Variants in SLC4A4 observed in about 807,000 individuals in gnomAD.
SLC4A4 encodes the protein solute carrier family 4 member 4.
Under a neutral mutation model 111.5 loss-of-function variants are expected in SLC4A4, and 27 were observed. The observed-to-expected ratio is 0.24, with a 90% CI of 0.18 to 0.33. The LOEUF (loss-of-function observed/expected upper bound fraction) is 0.33. Ranked by LOEUF, SLC4A4 falls within the 10% of genes least tolerant of loss-of-function variation. The pLI is 1.00. For missense variants in SLC4A4, 909 were observed against 1,315.5 expected, an observed-to-expected ratio of 0.69 and a Z score of 4.78; for synonymous variants, 443 against 463.4, an observed-to-expected ratio of 0.96 and a Z score of 0.57.
chr4:71,113,712 C>T (rs182317420), intron 2 of SLC4A4, among the ~76,000 whole-genome samples: 39 of 152,192 alleles, frequency 2.6e-4, no homozygotes, highest in African/African-American at 9.1e-4. Flanking sequence ...GGTTAGGGGT[C>T]TAGTGGCACA....
chr4:71,355,147 G>C (rs868069183), intron 5 of SLC4A4, among the ~76,000 whole-genome samples: 1 of 152,188 alleles, frequency 6.6e-6, no homozygotes, highest in Non-Finnish European at 1.5e-5. Context: ...CAGAGGACTG[G>C]CTGTGCATAC....
chr4:71,121,183 C>A (rs1203341514), intron 2 of SLC4A4, among the ~76,000 whole-genome samples: 1 of 152,180 alleles, frequency 6.6e-6, no homozygotes, highest in Non-Finnish European at 1.5e-5. Flanking sequence ...TCAGGACCTG[C>A]AGCCTGCCAT....
chr4:71,087,413 G>T (rs186079636), intron 1 of SLC4A4, among the ~76,000 whole-genome samples: 1,819 of 151,992 alleles, frequency 0.012, 42 homozygotes, highest in African/African-American at 0.042. Context: ...CTTCAGTTCT[G>T]CTCTGATCTT....
At chr4:71,411,221 A>G (rs905907461) in intron 7 of SLC4A4, among the ~76,000 whole-genome samples, 4 of 152,170 alleles carry the variant, frequency 2.6e-5, no homozygotes, top group African/African-American at 9.7e-5. Flanking sequence ...AGTTTCACTA[A>G]CATGGCAGTC....
At chr4:71,445,427 G>T (rs1357060087) in intron 8 of SLC4A4, among the ~76,000 whole-genome samples, 1 of 152,064 alleles carries the variant, frequency 6.6e-6, no homozygotes, top group Non-Finnish European at 1.5e-5. Flanking sequence ...ATATGTATTT[G>T]TAAGCTATAA....
intron 3 of SLC4A4, among the ~76,000 whole-genome samples, chr4:71,306,174 G>C (rs1485358829): frequency 6.6e-6 from 1 of 152,200 alleles, no homozygotes; most frequent in African/African-American, 2.4e-5. Context: ...GGGTGGTTAA[G>C]AGCATAGGTT....
intron 3 of SLC4A4, among the ~76,000 whole-genome samples, chr4:71,278,471 A>AT (rs1723245664): frequency 6.6e-6 from 1 of 152,136 alleles, no homozygotes; most frequent in African/African-American, 2.4e-5. Flanking sequence ...CAGAAGTGGG[A>AT]TTGCTGGATC....
At chr4:71,465,030 G>C (rs1475393290) in intron 12 of SLC4A4, among the ~76,000 whole-genome samples, 1 of 152,132 alleles carries the variant, frequency 6.6e-6, no homozygotes, top group Non-Finnish European at 1.5e-5. Context: ...TAGTGAGGCT[G>C]ACAGATGGAT....
chr4:71,067,192 C>T (rs575117684), intron 1 of SLC4A4, among the ~76,000 whole-genome samples: 2 of 151,710 alleles, frequency 1.3e-5, no homozygotes, highest in African/African-American at 4.8e-5. Flanking sequence ...TAGTGTTTGG[C>T]AGCTGCTTTG....
chr4:71,230,644 A>G (rs1719355565), intron 1 of SLC4A4, among the ~76,000 whole-genome samples: 1 of 152,206 alleles, frequency 6.6e-6, no homozygotes, highest in African/African-American at 2.4e-5. Context: ...CATGTTAAAC[A>G]CTGGTGCCCT....
intron 16 of SLC4A4, among the ~76,000 whole-genome samples, chr4:71,513,581 A>C (rs1732117177): frequency 6.6e-6 from 1 of 152,134 alleles, no homozygotes; most frequent in Non-Finnish European, 1.5e-5. Flanking sequence ...AAAGAGGCAC[A>C]ATTTAACTTC....
At chr4:71,557,349 A>C (rs1009800885) in intron 21 of SLC4A4, among the ~76,000 whole-genome samples, 1 of 151,954 alleles carries the variant, frequency 6.6e-6, no homozygotes, top group Non-Finnish European at 1.5e-5. Context: ...TACATGAGCT[A>C]GACATCTTCC....
intron 1 of SLC4A4, among the ~76,000 whole-genome samples, chr4:71,087,286 T>G (rs1742207438): frequency 6.6e-6 from 1 of 151,792 alleles, no homozygotes; most frequent in South Asian, 2.1e-4. Context: ...TCTATTTGAG[T>G]CTTCTCTCTT....
In SLC4A4 at chr4:71,555,844, C is replaced by T. The variant is rs1161862664; in HGVS notation, c.2763+636C>T. Among the ~76,000 whole-genome samples, 5 of 151,936 alleles carry T rather than the reference C, an allele frequency of 3.3e-5. No individual in the cohort carries two copies. In the South Asian group the frequency reaches 1.0e-3, roughly 32 times the overall value. On this transcript the variant is annotated intron_variant, in intron 21 of 25. Transcript: ENST00000264485. The stretch of plus-strand genomic sequence containing the variant: ...TTGAACCTGAGTTTTAGTCCAGCCT[C>T]AACAACATAGTGAGACCCTGTCTCT...
At chr4:71,318,159 G>A (rs1049565915) in intron 3 of SLC4A4, among the ~76,000 whole-genome samples, 8 of 152,044 alleles carry the variant, frequency 5.3e-5, no homozygotes, top group Non-Finnish European at 1.0e-4. Flanking sequence ...TGCAGTGGAT[G>A]TGTAGCTCAG....
At position 71,419,649 on chromosome 4, in the gene SLC4A4, G is replaced by A. The variant is rs567024687; in HGVS notation, c.808-20967G>A. 3.3e-5 allele frequency among the ~76,000 whole-genome samples: 5 copies of A among 152,330 alleles called. No individual in the cohort carries two copies. In the South Asian group the frequency reaches 8.3e-4, roughly 25 times the overall value. On this transcript the variant is annotated intron_variant, in intron 7 of 25. Transcript: ENST00000264485. Reference sequence around the variant, plus strand: ...AACTCGCTGACCCCTTGTGCTTCCCGAGTGAGGCAATGCCTTGCCCTCCTT... The same window carrying A: ...AACTCGCTGACCCCTTGTGCTTCCCAAGTGAGGCAATGCCTTGCCCTCCTT...
rs1719922027 is a variant in SLC4A4 at position 71,397,433 on chromosome 4, A to G, written c.731-144A>G. On this transcript the variant is annotated intron_variant, in intron 6 of 25. Transcript: ENST00000264485. ...GTTTGTACTCCAACCTGGACTCTGG[A>G]AAACTCTTCAGAAGAATCCTAGTGT... 2.2e-5 allele frequency: 17 copies of G among 765,872 alleles called. No individual in the cohort carries two copies. The South Asian group carries it at 2.4e-4, about 11-fold the overall frequency. The allele number at this position is 765,872 out of a possible 1,614,324, so 47.4% of individuals were successfully genotyped here. A position where few individuals can be genotyped will look rare whatever the true frequency, so the allele number is the denominator to read the frequency against.
intron 7 of SLC4A4, chr4:71,437,693 C>A: frequency 2.3e-6 from 1 of 441,632 alleles, no homozygotes. Context: ...CCAACTGATC[C>A]AGTTCCTATA....
rs575915983 is a variant in SLC4A4 at position 71,450,574 on chromosome 4, A to T, written c.1208+31A>T. The T allele has an allele frequency of 8.8e-5, 141 of 1,602,010 alleles. 1 individual carries two copies. The South Asian group carries it at 1.3e-3, about 15-fold the overall frequency. The stretch of plus-strand genomic sequence containing the variant: ...TTATAGGCAGTTGATAATTTTCAGT[A>T]GCTGAGATGACTCTGAGAAGGAGGT... On this transcript the variant is annotated intron_variant, in intron 10 of 25. Coordinates refer to ENST00000264485, the MANE Select transcript of SLC4A4 (RefSeq NM_001098484.3).
Sources: allele counts gnomAD v4.1 joint callset (sites outside exome capture counted in the v4.1 genomes callset), GRCh38; gene constraint gnomAD v4.1.1; transcripts MANE v1.5; gene names NCBI Gene and HGNC (gene_info 2026-07-23, HGNC 2026-07-21).